Variants in BRD10 observed in about 807,000 individuals in gnomAD.
BRD10 encodes bromodomain containing 10.
At chr9:5,968,128 C>T in the BRD10 span, 3 of 1,578,838 alleles carry the variant, frequency 1.9e-6, no homozygotes, top group Middle Eastern at 1.7e-4. Flanking sequence ...CACGCTTTCT[C>T]TGTAAGTTTT....
the BRD10 span, among the ~76,000 whole-genome samples, chr9:5,949,648 A>AT: frequency 1.8e-4 from 27 of 151,570 alleles, no homozygotes; most frequent in Admixed American, 4.6e-4. Flanking sequence ...TGCATGGAAG[A>AT]TTTTTTTTTG....
the BRD10 span, chr9:5,920,584 A>G: frequency 6.2e-7 from 1 of 1,613,964 alleles, no homozygotes. Flanking sequence ...TTTGAGGTTT[A>G]TTTGTGTTTA....
At chr9:5,997,160 T>C in the BRD10 span, among the ~76,000 whole-genome samples, 4 of 152,152 alleles carry the variant, frequency 2.6e-5, no homozygotes, top group African/African-American at 4.8e-5. Context: ...CAAAGAGATA[T>C]AGGGACTTGG....
the BRD10 span, among the ~76,000 whole-genome samples, chr9:5,977,662 C>T: frequency 4.6e-5 from 7 of 151,874 alleles, no homozygotes; most frequent in African/African-American, 1.7e-4. Context: ...GGTGAAATCC[C>T]GTCTCTACTA....
chr9:5,895,820 T>C, the BRD10 span, among the ~76,000 whole-genome samples: 6 of 152,382 alleles, frequency 3.9e-5, no homozygotes, highest in Non-Finnish European at 8.8e-5. Flanking sequence ...TCTTCCAATG[T>C]GTCAGGCATA....
chr9:5,879,029 C>T, the BRD10 span, among the ~76,000 whole-genome samples: 680 of 152,344 alleles, frequency 4.5e-3, 3 homozygotes, highest in African/African-American at 0.015. Flanking sequence ...TCACTTTACT[C>T]TCTGCTGTTG....
the BRD10 span, among the ~76,000 whole-genome samples, chr9:5,939,475 TTTC>T: frequency 2.6e-5 from 4 of 152,192 alleles, no homozygotes; most frequent in Non-Finnish European, 2.9e-5. Flanking sequence ...GTCAAGAATC[TTTC>T]TTAATCATCG....
At chr9:5,957,759 G>A in the BRD10 span, among the ~76,000 whole-genome samples, 1 of 151,948 alleles carries the variant, frequency 6.6e-6, no homozygotes, top group African/African-American at 2.4e-5. Context: ...AAATTTTCCT[G>A]TATTCTTCAG....
the BRD10 span, chr9:6,007,230 C>T: frequency 6.2e-7 from 1 of 1,613,836 alleles, no homozygotes; most frequent in Non-Finnish European, 8.5e-7. Context: ...CCAGCATCAT[C>T]TCCAGCTTCT....
the BRD10 span, among the ~76,000 whole-genome samples, chr9:5,971,591 A>G: frequency 4.6e-5 from 7 of 152,170 alleles, no homozygotes; most frequent in Non-Finnish European, 1.0e-4. Flanking sequence ...GCCTACTTTT[A>G]TATTTTTGGT....
At chr9:5,926,152 G>A in the BRD10 span, among the ~76,000 whole-genome samples, 14 of 152,050 alleles carry the variant, frequency 9.2e-5, no homozygotes, top group Admixed American at 6.6e-4. Context: ...TCCTGACCTC[G>A]TGATCTGCCC....
chr9:5,930,341 C>T, the BRD10 span, among the ~76,000 whole-genome samples: 1 of 136,342 alleles, frequency 7.3e-6, no homozygotes. Flanking sequence ...CAAACATGTG[C>T]ATAAATTTCC....
At chr9:5,886,516 G>A in the BRD10 span, among the ~76,000 whole-genome samples, 1 of 152,220 alleles carries the variant, frequency 6.6e-6, no homozygotes, top group African/African-American at 2.4e-5. Flanking sequence ...TCAGATGCGT[G>A]CACTGGGGCT....
the BRD10 span, chr9:5,891,171 T>C: frequency 6.6e-6 from 1 of 152,220 alleles, no homozygotes; most frequent in East Asian, 1.9e-4. Context: ...CAGGATGGCA[T>C]CTTGCTGGGG....
At chr9:5,922,442 T>A in the BRD10 span, 3 of 1,614,040 alleles carry the variant, frequency 1.9e-6, no homozygotes, top group Non-Finnish European at 2.5e-6. Context: ...CGACAAAGGC[T>A]GTGGTCTAGC....
the BRD10 span, chr9:5,923,209 T>C: frequency 6.2e-7 from 1 of 1,614,024 alleles, no homozygotes; most frequent in Non-Finnish European, 8.5e-7. Flanking sequence ...GTCGTTTAAG[T>C]GTTTTAAGCA....
At chr9:5,880,447 G>A in the BRD10 span, among the ~76,000 whole-genome samples, 1 of 147,258 alleles carries the variant, frequency 6.8e-6, no homozygotes, top group Non-Finnish European at 1.5e-5. Context: ...CTGGGAGACG[G>A]AGGTTGCAGT....
At chr9:5,886,175 A>T in the BRD10 span, among the ~76,000 whole-genome samples, 1 of 152,208 alleles carries the variant, frequency 6.6e-6, no homozygotes, top group Non-Finnish European at 1.5e-5. Flanking sequence ...CTAAGCCCCA[A>T]GCAGGATGAG....
the BRD10 span, among the ~76,000 whole-genome samples, chr9:5,975,381 GT>G: frequency 7.7e-6 from 1 of 130,328 alleles, no homozygotes; most frequent in East Asian, 2.3e-4. Flanking sequence ...GGAGGTTGCA[GT>G]GAGCCAGGAT....
Sources: gnomAD v4.1 joint callset for allele counts (sites outside exome capture counted in the v4.1 genomes callset) on GRCh38, gnomAD v4.1.1 for gene constraint, MANE v1.5 for transcripts, NCBI Gene and HGNC (gene_info 2026-07-23, HGNC 2026-07-21) for gene names.